Variants in ABAT observed in about 807,000 individuals in gnomAD.
ABAT encodes the protein 4-aminobutyrate aminotransferase, mitochondrial.
Under a neutral mutation model 64.6 loss-of-function variants are expected in ABAT, and 45 were observed. The ratio of observed to expected loss-of-function variants is 0.70; its 90% CI spans 0.55 to 0.89. The LOEUF (loss-of-function observed/expected upper bound fraction) is 0.89, where lower values mean the gene tolerates loss of function less well. Among genes scored for constraint, ABAT ranks in the 40% least tolerant of loss-of-function variants. The pLI, the probability that ABAT is intolerant of heterozygous loss-of-function variation, is 0.00. For missense variants in ABAT, 633 were observed against 658.4 expected (o/e 0.96, Z 0.42); for synonymous variants, 297 against 250.5 (o/e 1.19, Z -1.75).
intron 9 of ABAT, among the ~76,000 whole-genome samples, chr16:8,767,327 G>T (rs1023578127): frequency 6.6e-6 from 1 of 152,194 alleles, no homozygotes; most frequent in Admixed American, 6.5e-5. Flanking sequence ...CCCCTCACCC[G>T]CTTTCTAGCA....
intron 1 of ABAT, among the ~76,000 whole-genome samples, chr16:8,731,821 C>G (rs1041526749): frequency 6.6e-6 from 1 of 151,834 alleles, no homozygotes; most frequent in Admixed American, 6.6e-5. Flanking sequence ...CTTCCCCCAG[C>G]CCTCGGCAAC....
chr16:8,768,273 G>A lies in ABAT; in HGVS notation c.667+17G>A. ...GGACCATGGGTAAGGAGGGACCATT[G>A]CGCTCCCAAGGTGGCGTTTAGAATA... On this transcript the variant is annotated intron_variant, in intron 10 of 15. Coordinates refer to ENST00000268251, the MANE Select transcript of ABAT (RefSeq NM_020686.6). The A allele has an allele frequency of 2.5e-6, 4 of 1,613,392 alleles. No homozygotes were observed. The highest frequency in any genetic ancestry group is 3.4e-6 in the Non-Finnish European group (4 of 1,179,668).
chr16:8,752,589 C>A (rs79204861), intron 5 of ABAT, among the ~76,000 whole-genome samples: 3,945 of 152,170 alleles, frequency 0.026, 162 homozygotes, highest in African/African-American at 0.089. Flanking sequence ...TGAGAACCAA[C>A]CCCAATCTCT....
rs2059447085 is a variant in ABAT, at chr16:8,750,457, A to G, written c.234A>G (p.Glu78=). ...AEAVHFFCNY[E]ESRGNYLVDV... is the part of the protein sequence containing the mutation. Reference sequence around the variant, plus strand: ...CTGTGCATTTTTTCTGCAATTACGAAGAGAGCCGAGGCAATTACCTGGTTG... The same window carrying G: ...CTGTGCATTTTTTCTGCAATTACGAGGAGAGCCGAGGCAATTACCTGGTTG... The change falls in exon 5 of 16, where the codon GAA becomes GAG. Residue 78 remains glutamate, a synonymous_variant. Coordinates refer to ENST00000268251, the MANE Select transcript of ABAT (RefSeq NM_020686.6). 6.2e-7 allele frequency: 1 copy of G among 1,614,214 alleles called. No individual in the cohort carries two copies. Among genetic ancestry groups the G allele is most frequent in the Non-Finnish European group, 8.5e-7 (1 of 1,180,040 alleles).
chr16:8,738,628 GTTTTTT>G (rs879122746), intron 2 of ABAT, among the ~76,000 whole-genome samples: 14 of 125,524 alleles, frequency 1.1e-4, no homozygotes, highest in South Asian at 2.6e-4. Flanking sequence ...TTTTGTTTTT[GTTTTTT>G]TTTTGGTGTG....
At chr16:8,755,832 G>A (rs1002548822) in intron 5 of ABAT, among the ~76,000 whole-genome samples, 7 of 152,238 alleles carry the variant, frequency 4.6e-5, no homozygotes, top group Admixed American at 1.3e-4. Flanking sequence ...GGTGGATCAC[G>A]AGGTCAGCAG....
intron 1 of ABAT, among the ~76,000 whole-genome samples, chr16:8,708,590 C>T (rs9934284): frequency 0.024 from 3,662 of 152,196 alleles, 80 homozygotes; most frequent in East Asian, 0.11. Flanking sequence ...TGTGAGCCAG[C>T]GCACCTGGCC....
At chr16:8,682,190 C>CACACAG (rs751893254) in intron 1 of ABAT, among the ~76,000 whole-genome samples, 2 of 120,888 alleles carry the variant, frequency 1.7e-5, no homozygotes, top group Admixed American at 1.6e-4. Context: ...ACAGGATACA[C>CACACAG]ACACACACAC....
At chr16:8,721,174 G>C (rs931087696) in intron 1 of ABAT, among the ~76,000 whole-genome samples, 3 of 138,894 alleles carry the variant, frequency 2.2e-5, no homozygotes, top group Non-Finnish European at 4.9e-5. Flanking sequence ...TGTCTAGTCT[G>C]GGGGTAAGAT....
chr16:8,768,707 A>G, intron 10 of ABAT, 118 bp from the exon 11 acceptor site: 1 of 1,413,152 alleles, frequency 7.1e-7, no homozygotes, highest in Non-Finnish European at 9.9e-7. Context: ...TTTCACAGGC[A>G]ACAGGCCTCC....
intron 1 of ABAT, among the ~76,000 whole-genome samples, chr16:8,726,673 G>T (rs1203448154): frequency 1.3e-5 from 2 of 152,154 alleles, no homozygotes; most frequent in African/African-American, 4.8e-5. Flanking sequence ...ATATCTCTTC[G>T]ATATACTGAG....
At chr16:8,769,471 A>G (rs2060039338) in intron 11 of ABAT, among the ~76,000 whole-genome samples, 1 of 150,550 alleles carries the variant, frequency 6.6e-6, no homozygotes, top group Admixed American at 6.7e-5. Context: ...AGGCACAAGA[A>G]TCCCTTGGAC....
At chr16:8,759,433 C>T (rs972946847) in intron 6 of ABAT, among the ~76,000 whole-genome samples, 2 of 151,862 alleles carry the variant, frequency 1.3e-5, no homozygotes, top group African/African-American at 4.8e-5. Context: ...CATGCCCCCA[C>T]CCAGTTATTA....
At chr16:8,687,010 T>C (rs892721974) in intron 1 of ABAT, among the ~76,000 whole-genome samples, 1 of 151,882 alleles carries the variant, frequency 6.6e-6, no homozygotes, top group African/African-American at 2.4e-5. Flanking sequence ...TGGGTGGAGG[T>C]GAAGGCATGC....
At chr16:8,694,332 C>G (rs2057654715) in intron 1 of ABAT, among the ~76,000 whole-genome samples, 1 of 150,356 alleles carries the variant, frequency 6.7e-6, no homozygotes, top group South Asian at 2.1e-4. Flanking sequence ...CCACTCCATC[C>G]ATTTTATTCA....
At position 8,781,256 on chromosome 16, in the gene ABAT, C is replaced by T; in HGVS notation, c.1382-53C>T. The T allele has an allele frequency of 1.2e-6, 2 of 1,613,054 alleles. No homozygotes were observed. Among genetic ancestry groups the T allele is most frequent in the Non-Finnish European group, 1.7e-6 (2 of 1,179,756 alleles). Reference sequence around the variant, plus strand: ...GGCATCACTTTCCCCCCAGCTCTCCCAGCATGTGACTTTGAGAAACCACGC... The same window carrying T: ...GGCATCACTTTCCCCCCAGCTCTCCTAGCATGTGACTTTGAGAAACCACGC... On this transcript the variant is annotated intron_variant, in intron 15 of 15. Transcript: ENST00000268251. The surrounding 1 kb of genome is among the most constrained non-coding windows in gnomAD (Gnocchi z 4.5).
At chr16:8,750,017 C>T (rs903025604) in intron 4 of ABAT, among the ~76,000 whole-genome samples, 14 of 152,160 alleles carry the variant, frequency 9.2e-5, no homozygotes, top group African/African-American at 3.4e-4. Context: ...ACTCAGCCCT[C>T]TTGTGATGTT....
At chr16:8,725,016 A>G (rs917695966) in intron 1 of ABAT, among the ~76,000 whole-genome samples, 7 of 150,914 alleles carry the variant, frequency 4.6e-5, no homozygotes, top group Non-Finnish European at 7.4e-5. Context: ...TCCCGGGTCC[A>G]AGCGATTCTC....
chr16:8,713,296 A>AC (rs1056609010), intron 1 of ABAT: 1 of 152,570 alleles, frequency 6.6e-6, no homozygotes, highest in Non-Finnish European at 1.5e-5. Context: ...AAAAAAAAAA[A>AC]AATCTAGGAA....
Sources: allele counts gnomAD v4.1 joint callset (sites outside exome capture counted in the v4.1 genomes callset), GRCh38; gene constraint gnomAD v4.1.1; non-coding constraint Gnocchi (gnomAD v3.1); transcripts MANE v1.5; gene names NCBI Gene and HGNC (gene_info 2026-07-23, HGNC 2026-07-21).